Variants in PLXDC2 observed in about 807,000 individuals in gnomAD.
The protein encoded by PLXDC2 is plexin domain-containing protein 2.
PLXDC2 carries 40 observed loss-of-function variants against 68.9 expected under a neutral mutation model. The ratio of observed to expected loss-of-function variants is 0.58; its 90% CI spans 0.45 to 0.76. PLXDC2 has a LOEUF of 0.76. PLXDC2 is among the 30% of genes least tolerant of loss of function. The pLI is 0.00. For missense variants in PLXDC2, 644 were observed against 661.9 expected, an observed-to-expected ratio of 0.97 and a Z score of 0.30; for synonymous variants, 243 against 234.2, an observed-to-expected ratio of 1.04 and a Z score of -0.34.
chr10:20,127,811 A>G (rs1418836175), intron 4 of PLXDC2, among the ~76,000 whole-genome samples: 3 of 152,142 alleles, frequency 2.0e-5, no homozygotes, highest in Non-Finnish European at 4.4e-5. Flanking sequence ...GCAACATAGC[A>G]AGACCCCATC....
intron 1 of PLXDC2, among the ~76,000 whole-genome samples, chr10:19,905,637 T>A (rs1457010088): frequency 6.6e-6 from 1 of 152,160 alleles, no homozygotes; most frequent in Non-Finnish European, 1.5e-5. Context: ...ATTCAACCAG[T>A]CAGCCATAGA....
At chr10:20,208,737 C>A (rs1373951380) in intron 9 of PLXDC2, among the ~76,000 whole-genome samples, 1 of 151,922 alleles carries the variant, frequency 6.6e-6, no homozygotes, top group Non-Finnish European at 1.5e-5. Context: ...AGCCAGATAT[C>A]GGGTGAAATT....
intron 4 of PLXDC2, among the ~76,000 whole-genome samples, chr10:20,140,380 A>G (rs2131787163): frequency 1.6e-5 from 1 of 61,184 alleles, no homozygotes; most frequent in East Asian, 4.4e-4. Flanking sequence ...AAGGACCAGA[A>G]AAATAACATA....
intron 9 of PLXDC2, among the ~76,000 whole-genome samples, chr10:20,197,304 C>T (rs1446147757): frequency 4.6e-5 from 7 of 152,086 alleles, no homozygotes; most frequent in African/African-American, 1.7e-4. Flanking sequence ...CTTCAAAAAA[C>T]CATATATCAG....
intron 1 of PLXDC2, among the ~76,000 whole-genome samples, chr10:19,872,410 G>A (rs1837555017): frequency 6.6e-6 from 1 of 152,230 alleles, no homozygotes; most frequent in African/African-American, 2.4e-5. Context: ...TGAAAATCGG[G>A]ACTGGAAGTC....
chr10:20,204,407 T>C (rs1471463232), intron 9 of PLXDC2, among the ~76,000 whole-genome samples: 1 of 152,170 alleles, frequency 6.6e-6, no homozygotes, highest in Non-Finnish European at 1.5e-5. Context: ...TCATTTAAAA[T>C]ACTGATGCTT....
intron 2 of PLXDC2, among the ~76,000 whole-genome samples, chr10:20,038,076 A>G (rs1835611203): frequency 6.6e-6 from 1 of 152,098 alleles, no homozygotes; most frequent in Non-Finnish European, 1.5e-5. Flanking sequence ...TCTACTAAAA[A>G]TACAAAAAAA....
chr10:20,193,756 G>C (rs1834800623), intron 9 of PLXDC2, among the ~76,000 whole-genome samples: 1 of 152,040 alleles, frequency 6.6e-6, no homozygotes, highest in Non-Finnish European at 1.5e-5. Flanking sequence ...TTATGAAGCA[G>C]AAAATTGCTT....
chr10:20,219,023 C>A, intron 11 of PLXDC2, 41 bp from the exon 12 acceptor site: 1 of 1,598,936 alleles, frequency 6.3e-7, no homozygotes, highest in Non-Finnish European at 8.5e-7. Flanking sequence ...CCTTTGAAAT[C>A]AATCCTTTTC....
chr10:19,872,318 C>T (rs1837553612), intron 1 of PLXDC2, among the ~76,000 whole-genome samples: 2 of 152,256 alleles, frequency 1.3e-5, no homozygotes, highest in South Asian at 4.1e-4. Flanking sequence ...ATTGAAAAGT[C>T]AAGGAAATCT....
chr10:20,050,622 G>T (rs1463563992), intron 3 of PLXDC2, among the ~76,000 whole-genome samples: 1 of 151,764 alleles, frequency 6.6e-6, no homozygotes, highest in East Asian at 1.9e-4. Flanking sequence ...ATCACTGATG[G>T]TTACAGAAAT....
At chr10:19,842,986 G>C (rs1014038120) in intron 1 of PLXDC2, among the ~76,000 whole-genome samples, 1 of 152,064 alleles carries the variant, frequency 6.6e-6, no homozygotes, top group South Asian at 2.1e-4. Context: ...TCCCCACATA[G>C]CTTCAATTTA....
intron 1 of PLXDC2, among the ~76,000 whole-genome samples, chr10:19,877,845 T>G (rs184162787): frequency 6.6e-6 from 1 of 152,354 alleles, no homozygotes; most frequent in African/African-American, 2.4e-5. Flanking sequence ...CTTTAATGAG[T>G]TTTCCTTCCC....
intron 9 of PLXDC2, among the ~76,000 whole-genome samples, chr10:20,180,598 T>C (rs2131829178): frequency 6.6e-6 from 1 of 152,248 alleles, no homozygotes; most frequent in East Asian, 1.9e-4. Flanking sequence ...TCTTTGTGCT[T>C]ACTTATCCCT....
chr10:20,180,763 C>G lies in PLXDC2; in HGVS notation c.1061+3354C>G, dbSNP rs553277084. Among the ~76,000 whole-genome samples, 3 of 152,160 alleles carry G rather than the reference C, an allele frequency of 2.0e-5. No individual in the cohort carries two copies. In the East Asian group the frequency reaches 5.8e-4, roughly 29 times the overall value. ...ATGTTTGCAATGGCTTTCCCAAGCT[C>G]TGAGAGAATTTGAGTTAGAGGAACA... On this transcript the variant is annotated intron_variant, in intron 9 of 13. Transcript: ENST00000377252.
intron 4 of PLXDC2, among the ~76,000 whole-genome samples, chr10:20,122,003 G>A (rs1356368020): frequency 1.3e-5 from 2 of 152,118 alleles, no homozygotes; most frequent in East Asian, 3.9e-4. Context: ...TCTTATACTT[G>A]TGGGTTAAGG....
At chr10:20,064,002 C>T (rs76911381) in intron 3 of PLXDC2, among the ~76,000 whole-genome samples, 2,559 of 152,144 alleles carry the variant, frequency 0.017, 67 homozygotes, top group African/African-American at 0.057. Flanking sequence ...CAAATTCAGT[C>T]GATTTTGTTT....
chr10:20,100,425 G>C (rs1306580315), intron 4 of PLXDC2, among the ~76,000 whole-genome samples: 3 of 152,232 alleles, frequency 2.0e-5, no homozygotes, highest in African/African-American at 7.2e-5. Context: ...TAACATGGAA[G>C]TGATGTGATG....
intron 9 of PLXDC2, among the ~76,000 whole-genome samples, chr10:20,204,573 C>G (rs1215668095): frequency 6.6e-6 from 1 of 152,078 alleles, no homozygotes; most frequent in Non-Finnish European, 1.5e-5. Flanking sequence ...TCATATAAAT[C>G]ACCAGATAAT....
Sources: allele counts gnomAD v4.1 joint callset (sites outside exome capture counted in the v4.1 genomes callset), GRCh38; gene constraint gnomAD v4.1.1; transcripts MANE v1.5; gene names NCBI Gene and HGNC (gene_info 2026-07-23, HGNC 2026-07-21).